The following KIF26B variants were observed in gnomAD, a reference collection of about 807,000 sequenced individuals.
KIF26B encodes the protein kinesin-like protein KIF26B.
In KIF26B, 63 loss-of-function variants were observed where a neutral mutation model predicts 151.2. The observed-to-expected ratio is 0.42, with a 90% CI of 0.34 to 0.51. KIF26B has a LOEUF of 0.51. Among genes scored for constraint, KIF26B ranks in the 20% least tolerant of loss-of-function variants. The pLI is 0.07. For synonymous variants in KIF26B, 1,357 were observed against 1,262.1 expected (o/e 1.08, Z -1.59); for missense variants, 2,813 against 2,913.6 (o/e 0.97, Z 0.79).
chr1:245,231,569 T>A (rs1198281449), intron 2 of KIF26B, among the ~76,000 whole-genome samples: 1 of 152,156 alleles, frequency 6.6e-6, no homozygotes, highest in Non-Finnish European at 1.5e-5. Flanking sequence ...AAAAAGAAGA[T>A]GTGACTCTAC....
At chr1:245,333,705 A>AT (rs1572009294) in intron 2 of KIF26B, among the ~76,000 whole-genome samples, 1 of 152,172 alleles carries the variant, frequency 6.6e-6, no homozygotes, top group African/African-American at 2.4e-5. Context: ...CTTAACTTAA[A>AT]TATCTCCTCA....
At chr1:245,538,773 C>T (rs552007119) in intron 4 of KIF26B, among the ~76,000 whole-genome samples, 4 of 152,234 alleles carry the variant, frequency 2.6e-5, no homozygotes, top group Non-Finnish European at 4.4e-5. Flanking sequence ...TGTCTTCCTT[C>T]TTGTTCTAGT....
intron 4 of KIF26B, among the ~76,000 whole-genome samples, chr1:245,427,707 T>C (rs753249001): frequency 6.6e-6 from 1 of 152,192 alleles, no homozygotes; most frequent in African/African-American, 2.4e-5. Context: ...TTGTTTTCAC[T>C]GAAGCATATT....
At chr1:245,515,642 A>G (rs1479200738) in intron 4 of KIF26B, among the ~76,000 whole-genome samples, 1 of 152,218 alleles carries the variant, frequency 6.6e-6, no homozygotes, top group Non-Finnish European at 1.5e-5. Flanking sequence ...AGATTCACAC[A>G]TTTTAGTGAA....
intron 2 of KIF26B, among the ~76,000 whole-genome samples, chr1:245,177,908 G>A (rs1261057715): frequency 2.0e-5 from 3 of 152,062 alleles, no homozygotes; most frequent in South Asian, 2.1e-4. Context: ...AGGGTTTTTT[G>A]TTTAGAGAGA....
chr1:245,345,938 T>TC (rs1672446056), intron 2 of KIF26B, among the ~76,000 whole-genome samples: 1 of 149,606 alleles, frequency 6.7e-6, no homozygotes, highest in Non-Finnish European at 1.5e-5. Flanking sequence ...TTTCTTTCTT[T>TC]TTTTTTTTTT....
At chr1:245,576,056 G>T (rs993282911) in intron 5 of KIF26B, among the ~76,000 whole-genome samples, 1 of 152,102 alleles carries the variant, frequency 6.6e-6, no homozygotes, top group Non-Finnish European at 1.5e-5. Flanking sequence ...TAAGCATCAG[G>T]CTCTTCAGAC....
rs1213667197 is a variant in KIF26B at position 245,708,021 on chromosome 1, T to C, written c.*5415T>C. On this transcript the variant is annotated 3_prime_UTR_variant, in exon 15 of 15. Transcript: ENST00000407071. ...TTCCTCTGGAAAAACCAAAGTACTTTAGTGAGTCTTACAATCTTAAGGCAT... is the reference window on the plus strand; with the variant it reads ...TTCCTCTGGAAAAACCAAAGTACTTCAGTGAGTCTTACAATCTTAAGGCAT... The C allele has an allele frequency of 6.6e-6, 1 of 152,238 alleles. No individual in the cohort carries two copies. The highest frequency in any genetic ancestry group is 1.5e-5 in the Non-Finnish European group (1 of 68,048). 9.4% of individuals were successfully genotyped at this position (152,238 alleles called of 1,614,324 possible).
At chr1:245,625,276 C>T (rs573816719) in intron 9 of KIF26B, among the ~76,000 whole-genome samples, 7 of 152,058 alleles carry the variant, frequency 4.6e-5, no homozygotes, top group South Asian at 2.1e-4. Flanking sequence ...ATTTTAGAGT[C>T]GCTTTCTAAA....
intron 14 of KIF26B, among the ~76,000 whole-genome samples, chr1:245,701,328 T>TATTA (rs1375185400): frequency 9.9e-5 from 15 of 152,090 alleles, no homozygotes; most frequent in African/African-American, 3.1e-4. Context: ...TTTTTAGTTC[T>TATTA]ATTATTTCTT....
Position 245,686,668 on chromosome 1 carries a change from G to GTCAGCATCA in KIF26B, c.3692_3700dup (p.Ile1231_Ser1233dup), listed in dbSNP as rs2044526502. The GTCAGCATCA allele has an allele frequency of 1.2e-6, 2 of 1,611,680 alleles. No individual in the cohort carries two copies. The highest frequency in any genetic ancestry group is 1.1e-5 in the South Asian group (1 of 90,774). Reference sequence around the variant, plus strand: ...GGCCCTGGCCTCGGGCTCGCGGCCCGTCAGCATCATCAGCAGCATCAGCGA... The same window carrying GTCAGCATCA: ...GGCCCTGGCCTCGGGCTCGCGGCCCGTCAGCATCATCAGCATCATCAGCAGCATCAGCGA... On this transcript the variant is annotated inframe_insertion, in exon 12 of 15. Transcript: ENST00000407071. The surrounding 1 kb of genome is among the most constrained non-coding windows in gnomAD (Gnocchi z 5.6).
At chr1:245,405,675 G>A (rs999529835) in intron 3 of KIF26B, among the ~76,000 whole-genome samples, 7 of 151,812 alleles carry the variant, frequency 4.6e-5, no homozygotes, top group East Asian at 1.9e-4. Context: ...GGGCTGTGGC[G>A]TGAACTAGGG....
intron 4 of KIF26B, among the ~76,000 whole-genome samples, chr1:245,499,578 A>G (rs923337497): frequency 6.6e-6 from 1 of 152,242 alleles, no homozygotes; most frequent in African/African-American, 2.4e-5. Context: ...AACTTTATAG[A>G]GTATAATTTG....
chr1:245,562,555 C>T (rs114802081), intron 5 of KIF26B, among the ~76,000 whole-genome samples: 2 of 151,968 alleles, frequency 1.3e-5, no homozygotes, highest in Admixed American at 1.3e-4. Flanking sequence ...TTAACAGTTA[C>T]TGAATCTACC....
chr1:245,608,123 C>G (rs1359118637), intron 7 of KIF26B, among the ~76,000 whole-genome samples: 2 of 152,108 alleles, frequency 1.3e-5, no homozygotes, highest in African/African-American at 2.4e-5. Flanking sequence ...TGGTTGGACC[C>G]CTGTAAAAGC....
At chr1:245,521,418 A>G (rs2103090558) in intron 4 of KIF26B, among the ~76,000 whole-genome samples, 1 of 152,300 alleles carries the variant, frequency 6.6e-6, no homozygotes, top group East Asian at 1.9e-4. Flanking sequence ...TAGATGATGA[A>G]GAGTCTGTTA....
At position 245,352,345 on chromosome 1, in the gene KIF26B, C is replaced by T. The variant is rs1042944714; in HGVS notation, c.466-14489C>T. ...ATGGTGCGATCTCAGCTCACTGCAA[C>T]CTCCGCCTCCCAGGCTCAAGCAATT... is the stretch of plus-strand genomic sequence containing the variant. On this transcript the variant is annotated intron_variant, in intron 2 of 14. Transcript: ENST00000407071. The surrounding 1 kb of genome is among the most constrained non-coding windows in gnomAD (Gnocchi z 5.0). 1.3e-5 allele frequency among the ~76,000 whole-genome samples: 2 copies of T among 152,330 alleles called. No homozygotes were observed. Among genetic ancestry groups the T allele is most frequent in the East Asian group, 3.9e-4 (2 of 5,180 alleles).
chr1:245,185,735 T>TGC (rs2103530019), intron 2 of KIF26B, among the ~76,000 whole-genome samples: 2 of 152,352 alleles, frequency 1.3e-5, no homozygotes, highest in African/African-American at 4.8e-5. Context: ...CTCTCCCATG[T>TGC]GTGCTAATTT....
At chr1:245,272,978 G>A (rs537339490) in intron 2 of KIF26B, among the ~76,000 whole-genome samples, 30 of 152,234 alleles carry the variant, frequency 2.0e-4, no homozygotes, top group African/African-American at 7.0e-4. Flanking sequence ...TACTTGAAAC[G>A]AATGTGTATT....
Sources: allele counts gnomAD v4.1 joint callset (sites outside exome capture counted in the v4.1 genomes callset), GRCh38; gene constraint gnomAD v4.1.1; non-coding constraint Gnocchi (gnomAD v3.1); transcripts MANE v1.5; gene names NCBI Gene and HGNC (gene_info 2026-07-23, HGNC 2026-07-21).